AFAP1L1: variants seen among roughly 807,000 people sequenced by gnomAD.
AFAP1L1 encodes actin filament associated protein 1 like 1, also known as actin filament-associated protein 1-like 1.
In AFAP1L1, 77 loss-of-function variants were observed where a neutral mutation model predicts 99.8. The observed-to-expected ratio is 0.77, with a 90% CI of 0.64 to 0.93. The LOEUF (loss-of-function observed/expected upper bound fraction) is 0.93, where lower values mean the gene tolerates loss of function less well. Among genes scored for constraint, AFAP1L1 ranks in the 40% least tolerant of loss-of-function variants. The probability of loss-of-function intolerance (pLI) is 0.00; values close to 1 mark genes in which losing one functional copy is unlikely to be tolerated. For synonymous variants in AFAP1L1, 373 were observed against 395.3 expected (o/e 0.94, Z 0.67); for missense variants, 893 against 996.8 (o/e 0.90, Z 1.40).
chr5:149,326,702 A>C (rs1454022525), intron 15 of AFAP1L1, among the ~76,000 whole-genome samples: 1 of 152,156 alleles, frequency 6.6e-6, no homozygotes, highest in African/African-American at 2.4e-5. Flanking sequence ...GCTGTGGAGT[A>C]ATTGATGCAT....
chr5:149,300,709 C>T (rs767703077), intron 3 of AFAP1L1, among the ~76,000 whole-genome samples: 13 of 152,218 alleles, frequency 8.5e-5, no homozygotes, highest in Middle Eastern at 6.3e-3. Context: ...CTGCCACGGG[C>T]ATGGGAGCAG....
Position 149,302,688 on chromosome 5 carries a change from G to A in AFAP1L1, c.436+162G>A, listed in dbSNP as rs906499153. The A allele has an allele frequency of 3.5e-5, 21 of 607,504 alleles. No individual in the cohort carries two copies. In the Middle Eastern group the frequency reaches 1.2e-3, roughly 35 times the overall value. 37.6% of individuals were successfully genotyped at this position (607,504 alleles called of 1,614,324 possible). A position where few individuals can be genotyped will look rare whatever the true frequency, so the allele number is the denominator to read the frequency against. ...GCTACCCTGGGCACCTGGCCTCTTCGGTGACAGCCTGGGTGGACCAATATG... is the reference window on the plus strand; with the variant it reads ...GCTACCCTGGGCACCTGGCCTCTTCAGTGACAGCCTGGGTGGACCAATATG... On this transcript the variant is annotated intron_variant, in intron 5 of 18. Transcript: ENST00000296721.
intron 1 of AFAP1L1, among the ~76,000 whole-genome samples, chr5:149,293,140 G>A (rs984202856): frequency 2.0e-5 from 3 of 152,214 alleles, no homozygotes; most frequent in African/African-American, 7.2e-5. Context: ...ACTCCATGGG[G>A]CGATCACAGA....
intron 7 of AFAP1L1, among the ~76,000 whole-genome samples, chr5:149,309,575 C>T (rs1756545731): frequency 6.6e-6 from 1 of 152,142 alleles, no homozygotes; most frequent in Non-Finnish European, 1.5e-5. Flanking sequence ...CTATTGACTT[C>T]CCAAGGCCAA....
At chr5:149,277,983 C>T (rs78790270) in intron 1 of AFAP1L1, among the ~76,000 whole-genome samples, 1 of 152,026 alleles carries the variant, frequency 6.6e-6, no homozygotes, top group African/African-American at 2.4e-5. Context: ...GTTTTGCCAG[C>T]CTCTCCCTCA....
chr5:149,318,671 C>G (rs141071774), intron 12 of AFAP1L1, among the ~76,000 whole-genome samples: 218 of 152,338 alleles, frequency 1.4e-3, no homozygotes, highest in African/African-American at 4.8e-3. Flanking sequence ...CGGGCACTAG[C>G]CTCCTCTCTG....
At chr5:149,328,437 C>A (rs1438734689) in intron 15 of AFAP1L1, among the ~76,000 whole-genome samples, 2 of 152,172 alleles carry the variant, frequency 1.3e-5, no homozygotes, top group Non-Finnish European at 2.9e-5. Context: ...GGTTTAACCT[C>A]GGCTCTGCCA....
At chr5:149,289,855 C>T (rs1196648347) in intron 1 of AFAP1L1, among the ~76,000 whole-genome samples, 1 of 152,314 alleles carries the variant, frequency 6.6e-6, no homozygotes, top group Non-Finnish European at 1.5e-5. Context: ...CTGGGGGAGG[C>T]ATAACAACTA....
intron 2 of AFAP1L1, among the ~76,000 whole-genome samples, 176 bp downstream of exon 2, chr5:149,299,813 C>T (rs1309943520): frequency 1.3e-5 from 2 of 152,118 alleles, no homozygotes; most frequent in Non-Finnish European, 2.9e-5. Flanking sequence ...CGAGCTCTTG[C>T]CCAATGTCCT....
chr5:149,302,077 C>T (rs369573998), intron 4 of AFAP1L1, among the ~76,000 whole-genome samples: 1 of 152,250 alleles, frequency 6.6e-6, no homozygotes, highest in African/African-American at 2.4e-5. Context: ...CCTTGTCCTA[C>T]TGCACCTCGT....
intron 18 of AFAP1L1, among the ~76,000 whole-genome samples, chr5:149,339,074 A>G (rs964140119): frequency 4.7e-4 from 71 of 152,166 alleles, no homozygotes; most frequent in Admixed American, 4.6e-3. Context: ...AGGCTTTCTG[A>G]ACCATATGAT....
intron 1 of AFAP1L1, among the ~76,000 whole-genome samples, chr5:149,291,266 C>A (rs577534768): frequency 6.6e-6 from 1 of 152,044 alleles, no homozygotes; most frequent in Non-Finnish European, 1.5e-5. Context: ...GGGTGCCTCA[C>A]GCCTGTAATC....
chr5:149,301,273 C>T (rs1002187907), intron 4 of AFAP1L1, 43 bp downstream of exon 4: 8 of 1,581,386 alleles, frequency 5.1e-6, no homozygotes, highest in Non-Finnish European at 6.9e-6. Flanking sequence ...GCCTCTGTCC[C>T]TCTGGAGGAG....
intron 9 of AFAP1L1, among the ~76,000 whole-genome samples, chr5:149,313,051 G>T (rs186380286): frequency 6.6e-6 from 1 of 151,782 alleles, no homozygotes; most frequent in African/African-American, 2.4e-5. Context: ...TGCTTGAACC[G>T]GGAGGCAGAG....
chr5:149,342,887 G>C lies in AFAP1L1; in HGVS notation c.*2857G>C, dbSNP rs1039995729. Reference sequence around the variant, plus strand: ...AGATCGCACCACTGCACTCCAGCCTGGGCAATAGCAAGACTCCATCTCAAA... The same window carrying C: ...AGATCGCACCACTGCACTCCAGCCTCGGCAATAGCAAGACTCCATCTCAAA... On this transcript the variant is annotated 3_prime_UTR_variant, in exon 19 of 19. Transcript: ENST00000296721. Among the ~76,000 whole-genome samples the C allele has an allele frequency of 3.3e-5, 5 of 150,586 alleles. No individual in the cohort carries two copies. In the East Asian group the frequency reaches 9.7e-4, roughly 29 times the overall value.
intron 18 of AFAP1L1, among the ~76,000 whole-genome samples, chr5:149,338,777 G>A (rs1757477840): frequency 1.3e-5 from 2 of 152,210 alleles, no homozygotes; most frequent in South Asian, 4.1e-4. Context: ...ACCCTTTCAA[G>A]AAGGTGACAC....
intron 18 of AFAP1L1, among the ~76,000 whole-genome samples, chr5:149,337,943 G>A (rs796436120): frequency 7.9e-5 from 12 of 152,286 alleles, no homozygotes; most frequent in African/African-American, 1.7e-4. Flanking sequence ...GCTCTCAAGC[G>A]TGCCTGATGG....
chr5:149,339,570 A>AT (rs1045452094), intron 18 of AFAP1L1, among the ~76,000 whole-genome samples: 15 of 151,300 alleles, frequency 9.9e-5, no homozygotes, highest in African/African-American at 1.7e-4. Context: ...TCTTCTTTTG[A>AT]TTTTTTTTTC....
At chr5:149,296,428 A>G (rs184990071) in intron 1 of AFAP1L1, among the ~76,000 whole-genome samples, 1 of 152,338 alleles carries the variant, frequency 6.6e-6, no homozygotes, top group African/African-American at 2.4e-5. Flanking sequence ...CTGAGCCATA[A>G]CATCCTGTGG....
Sources: gnomAD v4.1 joint callset for allele counts (sites outside exome capture counted in the v4.1 genomes callset) on GRCh38, gnomAD v4.1.1 for gene constraint, MANE v1.5 for transcripts, NCBI Gene and HGNC (gene_info 2026-07-23, HGNC 2026-07-21) for gene names.